The following DMD variants were observed in gnomAD, a reference collection of about 807,000 sequenced individuals.
The protein encoded by DMD is dystrophin, also known as mutant dystrophin.
Under a neutral mutation model 330.1 loss-of-function variants are expected in DMD, and 63 were observed. That is an observed-to-expected ratio of 0.19 (90% CI 0.16 to 0.24). The LOEUF is 0.24. Among genes scored for constraint, DMD ranks in the 10% least tolerant of loss-of-function variants. The probability of loss-of-function intolerance (pLI) is 1.00; values close to 1 mark genes in which losing one functional copy is unlikely to be tolerated. For synonymous variants in DMD, 1,223 were observed against 959.8 expected, an observed-to-expected ratio of 1.27 and a Z score of -5.07; for missense variants, 3,344 against 2,684.1, an observed-to-expected ratio of 1.25 and a Z score of -5.43.
At chrX:32,625,126 G>C (rs968240839) in intron 11 of DMD, among the ~76,000 whole-genome samples, 2 of 111,404 alleles carry the variant, frequency 1.8e-5, no homozygotes, top group Non-Finnish European at 3.8e-5. Flanking sequence ...AGCTGAGTTC[G>C]CACCATTAGA....
intron 1 of DMD, among the ~76,000 whole-genome samples, chrX:33,208,557 T>C (rs1008050053): frequency 1.6e-4 from 18 of 111,232 alleles, no homozygotes; most frequent in Non-Finnish European, 1.7e-4. Flanking sequence ...ATTTGTCAAT[T>C]CCTTAAAAAA....
At chrX:32,494,550 T>C (rs1053834727) in intron 19 of DMD, among the ~76,000 whole-genome samples, 15 of 111,135 alleles carry the variant, frequency 1.3e-4, no homozygotes, top group South Asian at 3.8e-4. Context: ...GAAATGAGGA[T>C]TAAAAATAGA....
chrX:31,346,977 G>A lies in DMD; in HGVS notation c.9163+1579C>T, dbSNP rs761487222. 2.0e-4 allele frequency among the ~76,000 whole-genome samples: 16 copies of A among 79,319 alleles called. No individual in the cohort carries two copies. The South Asian group carries it at 0.012, about 60-fold the overall frequency. 68.9% of individuals were successfully genotyped at this position (79,319 alleles called of 115,157 possible). A position where few individuals can be genotyped will look rare whatever the true frequency, so the allele number is the denominator to read the frequency against. ...GATCACGCCACTGCACTCACAGCCT[G>A]GGTGACAGAATGAGGCTCCCTCTCA... On this transcript the variant is annotated intron_variant, in intron 61 of 78. Transcript: ENST00000357033.
chrX:32,581,026 A>T (rs5971641), intron 13 of DMD, among the ~76,000 whole-genome samples: 4,585 of 110,976 alleles, frequency 0.041, 245 homozygotes, highest in African/African-American at 0.14. Flanking sequence ...GGGTTTCACC[A>T]TGTTGGCTGG....
intron 44 of DMD, among the ~76,000 whole-genome samples, chrX:32,086,307 A>G (rs2096438559): frequency 8.9e-6 from 1 of 111,922 alleles, no homozygotes; most frequent in South Asian, 3.7e-4. Context: ...GCACTTTTAT[A>G]AAATTATTTA....
At chrX:33,189,624 T>C (rs1301282975) in intron 1 of DMD, among the ~76,000 whole-genome samples, 1 of 110,290 alleles carries the variant, frequency 9.1e-6, no homozygotes, top group Non-Finnish European at 1.9e-5. Context: ...CACGAAAGCA[T>C]GGTAGTTTGG....
intron 62 of DMD, among the ~76,000 whole-genome samples, chrX:31,314,596 A>G (rs2055810556): frequency 9.0e-6 from 1 of 111,681 alleles, no homozygotes; most frequent in African/African-American, 3.3e-5. Flanking sequence ...AGTCTCATCT[A>G]GGACCTGCTC....
chrX:32,161,720 C>A (rs2096849968), intron 44 of DMD, among the ~76,000 whole-genome samples: 1 of 110,975 alleles, frequency 9.0e-6, no homozygotes, highest in Non-Finnish European at 1.9e-5. Flanking sequence ...AAGAATAAGC[C>A]CTGAGTAAAG....
chrX:32,586,993 A>G (rs951328525), intron 13 of DMD, among the ~76,000 whole-genome samples: 4 of 111,757 alleles, frequency 3.6e-5, no homozygotes, highest in African/African-American at 1.3e-4. Context: ...TTCACCAAAT[A>G]TAAAATTAGG....
At chrX:32,946,800 C>A (rs754768517) in intron 2 of DMD, among the ~76,000 whole-genome samples, 1 of 111,303 alleles carries the variant, frequency 9.0e-6, no homozygotes. Context: ...GGCTTGCAAC[C>A]TTTCCTGTGC....
At chrX:33,058,053 T>A (rs2094538938) in intron 1 of DMD, among the ~76,000 whole-genome samples, 1 of 110,325 alleles carries the variant, frequency 9.1e-6, no homozygotes, top group Non-Finnish European at 1.9e-5. Context: ...TAATTTTTTG[T>A]ATTTTTAGTA....
At chrX:33,242,610 G>A (rs1283571332) in intron 1 of DMD, among the ~76,000 whole-genome samples, 1 of 111,475 alleles carries the variant, frequency 9.0e-6, no homozygotes, top group African/African-American at 3.3e-5. Context: ...GTAGATATCT[G>A]GTAGTGGGAT....
In DMD at chrX:32,344,401, G is replaced by A. The variant is rs139462598; in HGVS notation, c.5587-1115C>T. On this transcript the variant is annotated intron_variant, in intron 39 of 78. Coordinates refer to ENST00000357033, the MANE Select transcript of DMD (RefSeq NM_004006.3). ...GATTGGTTTGGCGAGTAGTGTTGAC[G>A]ATTTTGATTAATCACTTATAGCCTG... 1.5e-3 allele frequency among the ~76,000 whole-genome samples: 167 copies of A among 111,561 alleles called. No homozygotes were observed. The Middle Eastern group carries it at 0.019, about 12-fold the overall frequency.
intron 62 of DMD, among the ~76,000 whole-genome samples, chrX:31,320,325 G>A (rs998537573): frequency 4.5e-5 from 5 of 112,212 alleles, no homozygotes; most frequent in Non-Finnish European, 7.5e-5. Context: ...AACAGGAACT[G>A]TGCCACTGGT....
At chrX:31,750,897 T>C (rs1302383173) in intron 51 of DMD, among the ~76,000 whole-genome samples, 3 of 103,812 alleles carry the variant, frequency 2.9e-5, no homozygotes, top group African/African-American at 1.1e-4. Flanking sequence ...CCATTCACAA[T>C]TGCTTCAAAG....
intron 7 of DMD, among the ~76,000 whole-genome samples, chrX:32,759,851 G>T (rs1025994870): frequency 1.4e-4 from 9 of 62,131 alleles, no homozygotes; most frequent in Admixed American, 1.9e-4. Flanking sequence ...CTTGGGGGGG[G>T]GGGGGGGGCG....
chrX:33,147,007 AG>A (rs1164121888), intron 1 of DMD, among the ~76,000 whole-genome samples: 1 of 109,951 alleles, frequency 9.1e-6, no homozygotes, highest in Non-Finnish European at 1.9e-5. Context: ...ATTTTTTAGT[AG>A]AGACGGGGTT....
chrX:32,781,110 T>C (rs1295209997), intron 7 of DMD, among the ~76,000 whole-genome samples: 1 of 94,268 alleles, frequency 1.1e-5, no homozygotes, highest in Non-Finnish European at 2.0e-5. Flanking sequence ...GGAGCGAGCC[T>C]CTGTCTCAAA....
chrX:31,366,124 T>C (rs945580833), intron 60 of DMD, among the ~76,000 whole-genome samples: 1 of 111,753 alleles, frequency 8.9e-6, no homozygotes, highest in Non-Finnish European at 1.9e-5. Flanking sequence ...CCGGAAGTGA[T>C]TTACAAGATC....
Sources: gnomAD v4.1 joint callset for allele counts (sites outside exome capture counted in the v4.1 genomes callset) on GRCh38, gnomAD v4.1.1 for gene constraint, MANE v1.5 for transcripts, NCBI Gene and HGNC (gene_info 2026-07-23, HGNC 2026-07-21) for gene names.